The following CFAP52 variants were observed in gnomAD, a reference collection of about 807,000 sequenced individuals.
The protein encoded by CFAP52 is cilia and flagella associated protein 52.
In CFAP52, 57 loss-of-function variants were observed where a neutral mutation model predicts 70.5. The ratio of observed to expected loss-of-function variants is 0.81; its 90% CI spans 0.65 to 1.01. The LOEUF (loss-of-function observed/expected upper bound fraction) is 1.01. Ranked by LOEUF, CFAP52 falls within the 50% of genes least tolerant of loss-of-function variation. The pLI, the probability that CFAP52 is intolerant of heterozygous loss-of-function variation, is 0.00. For missense variants in CFAP52, 785 were observed against 788.5 expected (o/e 1.00, Z 0.05); for synonymous variants, 267 against 292.5 (o/e 0.91, Z 0.89).
intron 4 of CFAP52, among the ~76,000 whole-genome samples, chr17:9,594,893 G>GTT (rs11378454): frequency 0.66 from 86,343 of 130,478 alleles, 29,867 homozygotes; most frequent in Non-Finnish European, 0.75. Context: ...ATTAGGGAGG[G>GTT]TTTTTTTTTT....
At chr17:9,579,077 G>A (rs1597757170) in intron 1 of CFAP52, among the ~76,000 whole-genome samples, 1 of 152,136 alleles carries the variant, frequency 6.6e-6, no homozygotes, top group African/African-American at 2.4e-5. Context: ...GATCTGTTCA[G>A]TCAGTGGCTG....
intron 3 of CFAP52, among the ~76,000 whole-genome samples, chr17:9,589,610 G>A (rs530366141): frequency 2.0e-5 from 3 of 152,110 alleles, no homozygotes; most frequent in South Asian, 4.2e-4. Flanking sequence ...GCAGGCGCCT[G>A]TAATCCCATC....
At chr17:9,602,502 A>G (rs1909316504) in intron 6 of CFAP52, among the ~76,000 whole-genome samples, 1 of 151,918 alleles carries the variant, frequency 6.6e-6, no homozygotes, top group Admixed American at 6.6e-5. Flanking sequence ...TATGTGCCAC[A>G]TTTTCTTTCT....
chr17:9,591,490 C>A (rs894024874), intron 3 of CFAP52, among the ~76,000 whole-genome samples: 1 of 152,134 alleles, frequency 6.6e-6, no homozygotes, highest in African/African-American at 2.4e-5. Flanking sequence ...CATTCTTTGC[C>A]ATAATAGCAT....
At chr17:9,603,201 C>CT (rs1909348182) in intron 6 of CFAP52, among the ~76,000 whole-genome samples, 1 of 152,032 alleles carries the variant, frequency 6.6e-6, no homozygotes, top group South Asian at 2.1e-4. Context: ...TGCTGAAATT[C>CT]TTTTTTATTA....
At chr17:9,596,076 T>C (rs1353501892) in intron 4 of CFAP52, among the ~76,000 whole-genome samples, 4 of 136,042 alleles carry the variant, frequency 2.9e-5, no homozygotes, top group Non-Finnish European at 4.7e-5. Flanking sequence ...TATATATATA[T>C]ATATATATAT....
chr17:9,579,624 G>A (rs1468610643), intron 1 of CFAP52, among the ~76,000 whole-genome samples: 1 of 152,202 alleles, frequency 6.6e-6, no homozygotes, highest in African/African-American at 2.4e-5. Flanking sequence ...CTGGAGTGCA[G>A]TGGTGCGATC....
At chr17:9,631,079 A>G (rs1910512441) in intron 9 of CFAP52, among the ~76,000 whole-genome samples, 14 of 133,610 alleles carry the variant, frequency 1.0e-4, no homozygotes, top group African/African-American at 3.9e-4. Flanking sequence ...AGAAAGAAAG[A>G]AAGAGAAAGA....
intron 1 of CFAP52, 81 bp downstream of exon 1, chr17:9,576,846 G>T: frequency 7.0e-7 from 1 of 1,438,588 alleles, no homozygotes. Context: ...TGAGACACCG[G>T]GGACACCTGA....
intron 8 of CFAP52, among the ~76,000 whole-genome samples, chr17:9,623,311 T>C (rs968991568): frequency 4.6e-5 from 7 of 152,190 alleles, no homozygotes; most frequent in Admixed American, 3.3e-4. Context: ...TATTTTTCCA[T>C]GTGTCTTTAT....
chr17:9,628,441 G>A (rs560970743), intron 8 of CFAP52, among the ~76,000 whole-genome samples: 8 of 151,854 alleles, frequency 5.3e-5, no homozygotes, highest in African/African-American at 1.7e-4. Flanking sequence ...CACCATACCC[G>A]GCTAATTTTT....
rs1597755449 is a variant in CFAP52 at position 9,576,796 on chromosome 17, G to A, written c.70+31G>A. The A allele has an allele frequency of 2.5e-6, 4 of 1,603,050 alleles. No homozygotes were observed. In the East Asian group the frequency reaches 9.0e-5, roughly 36 times the overall value. On this transcript the variant is annotated intron_variant, in intron 1 of 13. Transcript: ENST00000352665. ...GCCTCCAGCATCTTTGGGCTGGCTG[G>A]TTTAGGAATTCGGAGGACGTGTAGT...
intron 6 of CFAP52, among the ~76,000 whole-genome samples, chr17:9,604,536 G>A (rs895385399): frequency 6.6e-6 from 1 of 152,080 alleles, no homozygotes; most frequent in Non-Finnish European, 1.5e-5. Flanking sequence ...GGGAGGCTGA[G>A]GCGGGCCGAT....
chr17:9,603,604 T>C (rs1225965273), intron 6 of CFAP52, among the ~76,000 whole-genome samples: 1 of 152,192 alleles, frequency 6.6e-6, no homozygotes, highest in African/African-American at 2.4e-5. Context: ...GCAATCCCAA[T>C]AAACATCCCA....
intron 10 of CFAP52, 41 bp downstream of exon 10, chr17:9,633,074 G>T: frequency 6.3e-7 from 1 of 1,598,574 alleles, no homozygotes; most frequent in Non-Finnish European, 8.5e-7. Flanking sequence ...GCTCTGTTTA[G>T]AACAACTGCC....
chr17:9,636,131 G>GCT (rs1910767167), intron 11 of CFAP52, among the ~76,000 whole-genome samples: 1 of 150,054 alleles, frequency 6.7e-6, no homozygotes, highest in Non-Finnish European at 1.5e-5. Flanking sequence ...CTGAGATCAT[G>GCT]CCACTGCACT....
At chr17:9,641,691 A>C in intron 12 of CFAP52, 33 bp from the exon 13 acceptor site, 1 of 1,533,796 alleles carries the variant, frequency 6.5e-7, no homozygotes. Flanking sequence ...TCCTGAGCTG[A>C]GTCCTGCTTA....
In CFAP52 at chr17:9,641,753, A is replaced by G; in HGVS notation, c.1605A>G (p.Thr535=). 2 of 1,613,884 alleles carry G rather than the reference A, an allele frequency of 1.2e-6. No individual in the cohort carries two copies. Among genetic ancestry groups the G allele is most frequent in the Non-Finnish European group, 1.7e-6 (2 of 1,179,814 alleles). The change falls in exon 13 of 14, where the codon ACA becomes ACG. Residue 535 remains threonine, a synonymous_variant. Coordinates refer to ENST00000352665, the MANE Select transcript of CFAP52 (RefSeq NM_145054.5). ...CTTACTGGGAAGTATTTGATGGGAC[A>G]GTAATCAGAGAATTGGAAGGTTCCC... ...KIAYWEVFDG[T]VIRELEGSLS... is the part of the protein sequence containing the mutation.
chr17:9,588,001 G>A (rs183773903), intron 3 of CFAP52, among the ~76,000 whole-genome samples: 2 of 152,284 alleles, frequency 1.3e-5, no homozygotes, highest in African/African-American at 4.8e-5. Flanking sequence ...CCAAGAGTCC[G>A]ATTTGATTGG....
Sources: gnomAD v4.1 joint callset for allele counts (sites outside exome capture counted in the v4.1 genomes callset) on GRCh38, gnomAD v4.1.1 for gene constraint, MANE v1.5 for transcripts, NCBI Gene and HGNC (gene_info 2026-07-23, HGNC 2026-07-21) for gene names.